Variants in THEMIS observed in about 807,000 individuals in gnomAD.
THEMIS encodes the protein thymocyte selection associated.
A neutral mutation model predicts 52.6 loss-of-function variants in THEMIS; 37 were observed. The ratio of observed to expected loss-of-function variants is 0.70; its 90% CI spans 0.54 to 0.93. The LOEUF (loss-of-function observed/expected upper bound fraction) is 0.93, where lower values mean the gene tolerates loss of function less well. Ranked by LOEUF, THEMIS falls within the 40% of genes least tolerant of loss-of-function variation. The pLI is 0.00. For synonymous variants in THEMIS, 292 were observed against 272.7 expected (o/e 1.07, Z -0.70); for missense variants, 808 against 763.1 (o/e 1.06, Z -0.69).
At chr6:127,899,907 A>G (rs1331637936) in intron 1 of THEMIS, among the ~76,000 whole-genome samples, 1 of 50,526 alleles carries the variant, frequency 2.0e-5, no homozygotes, top group African/African-American at 4.5e-5. Context: ...TATATTTTAT[A>G]TATATATATA....
intron 4 of THEMIS, among the ~76,000 whole-genome samples, chr6:127,786,968 G>GGGTTTGGA (rs1776970386): frequency 6.6e-6 from 1 of 152,054 alleles, no homozygotes; most frequent in African/African-American, 2.4e-5. Context: ...GGGGGACACT[G>GGGTTTGGA]GGTTTGGAGC....
intron 4 of THEMIS, among the ~76,000 whole-genome samples, chr6:127,729,524 A>G (rs1401297092): frequency 6.6e-6 from 1 of 152,068 alleles, no homozygotes; most frequent in Non-Finnish European, 1.5e-5. Context: ...TAGAAACAAC[A>G]CTTGATTTCT....
chr6:127,756,226 C>G (rs1458527257), intron 4 of THEMIS, among the ~76,000 whole-genome samples: 1 of 152,134 alleles, frequency 6.6e-6, no homozygotes, highest in Non-Finnish European at 1.5e-5. Context: ...ACACAAACAT[C>G]TCCTTAATCT....
At chr6:127,868,894 T>C (rs533072176) in intron 1 of THEMIS, among the ~76,000 whole-genome samples, 1 of 152,250 alleles carries the variant, frequency 6.6e-6, no homozygotes, top group East Asian at 1.9e-4. Flanking sequence ...AAATATATGA[T>C]ATATGCCAAA....
intron 1 of THEMIS, among the ~76,000 whole-genome samples, chr6:127,868,811 A>G (rs1247409245): frequency 6.6e-6 from 1 of 152,200 alleles, no homozygotes; most frequent in Non-Finnish European, 1.5e-5. Context: ...CTTTTCAGAG[A>G]GGATCCATGA....
At chr6:127,710,164 A>C in intron 5 of THEMIS, 148 bp from the exon 6 acceptor site, 2 of 519,076 alleles carry the variant, frequency 3.9e-6, no homozygotes, top group Non-Finnish European at 6.6e-6. Context: ...CAGCAAAATA[A>C]AGAAAAAAAA....
intron 5 of THEMIS, among the ~76,000 whole-genome samples, chr6:127,710,992 TTCCTTCCTTCC>T (rs1314454631): frequency 1.8e-5 from 1 of 54,856 alleles, no homozygotes; most frequent in Non-Finnish European, 5.5e-5. Flanking sequence ...CCTCCCTCCC[TTCCTTCCTTCC>T]TCCTTCCTTC....
chr6:127,851,925 C>A (rs1779439890), intron 2 of THEMIS, among the ~76,000 whole-genome samples: 1 of 151,572 alleles, frequency 6.6e-6, no homozygotes, highest in Non-Finnish European at 1.5e-5. Context: ...AAGCAAAATT[C>A]AAAATTTGAT....
chr6:127,822,039 ATT>A (rs1472994257), intron 3 of THEMIS, among the ~76,000 whole-genome samples: 5 of 151,864 alleles, frequency 3.3e-5, no homozygotes, highest in African/African-American at 1.2e-4. Flanking sequence ...TAATCTCTAT[ATT>A]TGTTAGACAT....
intron 1 of THEMIS, among the ~76,000 whole-genome samples, chr6:127,878,781 A>T (rs1281284327): frequency 6.6e-6 from 1 of 152,182 alleles, no homozygotes; most frequent in Admixed American, 6.5e-5. Context: ...GTTTTCTAAA[A>T]ACATGATGCT....
chr6:127,887,179 T>A (rs1403364018), intron 1 of THEMIS, among the ~76,000 whole-genome samples: 4 of 151,902 alleles, frequency 2.6e-5, no homozygotes, highest in Non-Finnish European at 4.4e-5. Flanking sequence ...TTCTTATAAC[T>A]CAGTAAAAGG....
At chr6:127,900,761 T>A (rs1036160391) in intron 1 of THEMIS, 81 bp downstream of exon 1, 2 of 1,228,246 alleles carry the variant, frequency 1.6e-6, no homozygotes, top group Non-Finnish European at 2.4e-6. Flanking sequence ...TATTTGCTGT[T>A]AAAATTCCCC....
At chr6:127,729,375 A>G (rs1421372305) in intron 4 of THEMIS, among the ~76,000 whole-genome samples, 1 of 152,184 alleles carries the variant, frequency 6.6e-6, no homozygotes, top group Non-Finnish European at 1.5e-5. Context: ...GGTCTATGGA[A>G]GATATTTCAA....
intron 4 of THEMIS, among the ~76,000 whole-genome samples, chr6:127,741,470 A>G (rs1381153821): frequency 1.3e-5 from 2 of 152,228 alleles, no homozygotes; most frequent in East Asian, 3.8e-4. Context: ...ATAACAAAAT[A>G]AAGATGCAAA....
chr6:127,821,173 T>TGAGA (rs34348403), intron 3 of THEMIS, among the ~76,000 whole-genome samples: 30 of 149,472 alleles, frequency 2.0e-4, no homozygotes, highest in Admixed American at 9.4e-4. Context: ...TCTGTGTGTG[T>TGAGA]GAGAGAGAGA....
intron 2 of THEMIS, among the ~76,000 whole-genome samples, chr6:127,846,099 T>A (rs1779205088): frequency 6.6e-6 from 1 of 151,938 alleles, no homozygotes; most frequent in African/African-American, 2.4e-5. Context: ...TGTAAGTAAA[T>A]CTCTGTTCAG....
rs1480033136 is a variant in THEMIS, at chr6:127,812,746, T to C, written c.1758+137A>G. The C allele has an allele frequency of 9.9e-6, 8 of 811,188 alleles. No individual in the cohort carries two copies. In the African/African-American group the frequency reaches 1.0e-4, roughly 10 times the overall value. The allele number at this position is 811,188 out of a possible 1,614,324, so 50.2% of individuals were successfully genotyped here. A position where few individuals can be genotyped will look rare whatever the true frequency, so the allele number is the denominator to read the frequency against. On this transcript the variant is annotated intron_variant, in intron 4 of 5. Coordinates refer to ENST00000368248, the MANE Select transcript of THEMIS (RefSeq NM_001010923.3). ...TACACACTGTTGATGTTCATTCATCTACTGCACATCAGAAAAGCTCATTGC... is the reference window on the plus strand; with the variant it reads ...TACACACTGTTGATGTTCATTCATCCACTGCACATCAGAAAAGCTCATTGC...
chr6:127,804,331 A>G (rs1469557502), intron 4 of THEMIS, among the ~76,000 whole-genome samples: 1 of 152,176 alleles, frequency 6.6e-6, no homozygotes, highest in Non-Finnish European at 1.5e-5. Context: ...AGGACTGAGG[A>G]TTGACCATAA....
At chr6:127,908,782 A>G (rs575301581) in intron 1 of THEMIS, among the ~76,000 whole-genome samples, 2 of 151,972 alleles carry the variant, frequency 1.3e-5, no homozygotes, top group Non-Finnish European at 1.5e-5. Flanking sequence ...GGGTATGCCC[A>G]CTTTAACAGC....
Sources: allele counts gnomAD v4.1 joint callset (sites outside exome capture counted in the v4.1 genomes callset), GRCh38; gene constraint gnomAD v4.1.1; transcripts MANE v1.5; gene names NCBI Gene and HGNC (gene_info 2026-07-23, HGNC 2026-07-21).